IGSF5: variants seen among roughly 807,000 people sequenced by gnomAD.
IGSF5 encodes the protein immunoglobulin superfamily member 5, also known as immunoglobulin superfamily 5 like.
IGSF5 carries 41 observed loss-of-function variants against 39.4 expected under a neutral mutation model. The observed-to-expected ratio is 1.04, with a 90% confidence interval of 0.81 to 1.35. The LOEUF (loss-of-function observed/expected upper bound fraction) is 1.35, where lower values mean the gene tolerates loss of function less well. Among genes scored for constraint, IGSF5 ranks in the 40% most tolerant of loss-of-function variants. IGSF5 has a pLI of 0.00. For missense variants in IGSF5, 487 were observed against 494.6 expected (o/e 0.98, Z 0.15); for synonymous variants, 183 against 175.3 (o/e 1.04, Z -0.34).
chr21:39,785,470 T>C (rs1234287306), intron 5 of IGSF5, among the ~76,000 whole-genome samples: 1 of 152,352 alleles, frequency 6.6e-6, no homozygotes, highest in East Asian at 1.9e-4. Flanking sequence ...CCTTGTAGTA[T>C]AGTTTGAAGT....
At chr21:39,716,405 C>T in the IGSF5 span, among the ~76,000 whole-genome samples, 1 of 152,016 alleles carries the variant, frequency 6.6e-6, no homozygotes, top group South Asian at 2.1e-4. Flanking sequence ...TAGATAAACA[C>T]GTGTCATGGG....
At chr21:39,777,463 C>A (rs1164014303) in intron 4 of IGSF5, among the ~76,000 whole-genome samples, 1 of 152,132 alleles carries the variant, frequency 6.6e-6, no homozygotes, top group African/African-American at 2.4e-5. Flanking sequence ...GTCTGTGGAG[C>A]AAGGGGATAA....
At chr21:39,777,887 A>C (rs1175512680) in intron 4 of IGSF5, among the ~76,000 whole-genome samples, 1 of 151,958 alleles carries the variant, frequency 6.6e-6, no homozygotes, top group Non-Finnish European at 1.5e-5. Context: ...CTGTTTTTGA[A>C]CTCCAGTCTG....
In IGSF5 at chr21:39,760,377, A is replaced by G. The variant is rs1000904176; in HGVS notation, c.101-5158A>G. Among the ~76,000 whole-genome samples the G allele has an allele frequency of 2.6e-5, 4 of 152,220 alleles. No homozygotes were observed. In the East Asian group the frequency reaches 7.7e-4, roughly 29 times the overall value. Reference sequence around the variant, plus strand: ...TTGTGAGCAAAAGTAAATACAAAACAACTACTGTGACAATTGTAACCCCCG... The same window carrying G: ...TTGTGAGCAAAAGTAAATACAAAACGACTACTGTGACAATTGTAACCCCCG... On this transcript the variant is annotated intron_variant, in intron 2 of 8. Transcript: ENST00000380588.
At chr21:39,766,714 T>C (rs1363084285) in intron 3 of IGSF5, among the ~76,000 whole-genome samples, 1 of 152,218 alleles carries the variant, frequency 6.6e-6, no homozygotes, top group African/African-American at 2.4e-5. Context: ...TTTGGAATAG[T>C]CTTACCAAAA....
the IGSF5 span, among the ~76,000 whole-genome samples, chr21:39,721,338 C>T: frequency 6.6e-6 from 1 of 152,120 alleles, no homozygotes; most frequent in African/African-American, 2.4e-5. Context: ...AGGTACAGCC[C>T]CCTACAAAGT....
At chr21:39,737,867 C>T in the IGSF5 span, among the ~76,000 whole-genome samples, 3 of 152,190 alleles carry the variant, frequency 2.0e-5, no homozygotes, top group Admixed American at 6.5e-5. Flanking sequence ...GCGGCAGGAC[C>T]CTTTCTGGAA....
the IGSF5 span, among the ~76,000 whole-genome samples, chr21:39,721,237 G>A: frequency 4.1e-4 from 63 of 152,224 alleles, no homozygotes; most frequent in Admixed American, 3.2e-3. Flanking sequence ...TGGCAATATC[G>A]TGAGATCTTT....
chr21:39,749,386 T>A (rs1269854986), intron 2 of IGSF5, among the ~76,000 whole-genome samples: 1 of 152,158 alleles, frequency 6.6e-6, no homozygotes, highest in Admixed American at 6.5e-5. Flanking sequence ...CTAATTATTG[T>A]ATTTTTAGTA....
chr21:39,766,888 G>C (rs942361971), intron 3 of IGSF5, among the ~76,000 whole-genome samples: 2 of 151,992 alleles, frequency 1.3e-5, no homozygotes, highest in Admixed American at 1.3e-4. Flanking sequence ...CAAAGATTTT[G>C]TTCATATTTA....
the IGSF5 span, among the ~76,000 whole-genome samples, chr21:39,718,614 T>C: frequency 6.6e-6 from 1 of 152,166 alleles, no homozygotes; most frequent in Non-Finnish European, 1.5e-5. Flanking sequence ...AATCATATGG[T>C]TTTTGTCTTT....
At chr21:39,785,809 C>T (rs1426299023) in intron 5 of IGSF5, among the ~76,000 whole-genome samples, 1 of 152,070 alleles carries the variant, frequency 6.6e-6, no homozygotes, top group African/African-American at 2.4e-5. Flanking sequence ...ATTTTATTCT[C>T]TTTGAAGCAA....
chr21:39,719,693 C>T, the IGSF5 span, among the ~76,000 whole-genome samples: 2 of 152,198 alleles, frequency 1.3e-5, no homozygotes, highest in East Asian at 1.9e-4. Flanking sequence ...CACATCACAC[C>T]ACTCTCACTA....
intron 5 of IGSF5, 64 bp from the exon 6 acceptor site, chr21:39,788,103 A>T (rs1279791069): frequency 6.1e-6 from 8 of 1,309,330 alleles, no homozygotes; most frequent in Admixed American, 2.0e-5. Context: ...ATAAAAATTA[A>T]TGAGACTCGA....
At chr21:39,750,423 G>A (rs528813134) in intron 2 of IGSF5, among the ~76,000 whole-genome samples, 1 of 149,380 alleles carries the variant, frequency 6.7e-6, no homozygotes, top group South Asian at 2.1e-4. Flanking sequence ...CTGGAGGACT[G>A]CTTGAGCCTA....
chr21:39,763,607 G>A (rs572747437), intron 2 of IGSF5, among the ~76,000 whole-genome samples: 2 of 152,250 alleles, frequency 1.3e-5, no homozygotes, highest in Admixed American at 1.3e-4. Flanking sequence ...GGGTTTCAGA[G>A]GGATGCTTGT....
At chr21:39,718,870 A>G in the IGSF5 span, among the ~76,000 whole-genome samples, 1 of 152,088 alleles carries the variant, frequency 6.6e-6, no homozygotes. Context: ...TCATAGAATG[A>G]GTTGGGGAGA....
rs570324486 is a variant in IGSF5 at position 39,771,346 on chromosome 21, G to C, written c.718+131G>C. ...CCTTGATTTTGGGTGGGGATGATAA[G>C]GCCAATCACATCTGCTGTCAGCTTA... On this transcript the variant is annotated intron_variant, in intron 4 of 8. Coordinates refer to ENST00000380588, the MANE Select transcript of IGSF5 (RefSeq NM_001080444.2). The C allele has an allele frequency of 1.8e-4, 125 of 713,142 alleles. No individual in the cohort carries two copies. The African/African-American group carries it at 2.2e-3, about 12-fold the overall frequency. 44.2% of individuals were successfully genotyped at this position (713,142 alleles called of 1,614,324 possible).
chr21:39,752,480 TGCAA>T lies in IGSF5; in HGVS notation c.100+6185_100+6188del, dbSNP rs535239802. Among the ~76,000 whole-genome samples, 507 of 152,366 alleles carry T rather than the reference TGCAA, an allele frequency of 3.3e-3. 1 individual carries two copies. The highest frequency in any genetic ancestry group is 5.8e-3 in the Admixed American group (89 of 15,302). On this transcript the variant is annotated intron_variant, in intron 2 of 8. Transcript: ENST00000380588. Reference sequence around the variant, plus strand: ...AATTGTGCTGCTATAAACATGCATGTGCAAGCGTCTTTTTCATGTAACGACTTCT... The same window carrying T: ...AATTGTGCTGCTATAAACATGCATGTGCGTCTTTTTCATGTAACGACTTCT...
Sources: gnomAD v4.1 joint callset for allele counts (sites outside exome capture counted in the v4.1 genomes callset) on GRCh38, gnomAD v4.1.1 for gene constraint, MANE v1.5 for transcripts, NCBI Gene and HGNC (gene_info 2026-07-23, HGNC 2026-07-21) for gene names.